The following TEX11 variants were observed in gnomAD, a reference collection of about 807,000 sequenced individuals.
The protein encoded by TEX11 is testis expressed 11.
A neutral mutation model predicts 84.4 loss-of-function variants in TEX11; 7 were observed. The ratio of observed to expected loss-of-function variants is 0.08; its 90% CI spans 0.05 to 0.16. The LOEUF is 0.16. Ranked by LOEUF, TEX11 falls within the 10% of genes least tolerant of loss-of-function variation. TEX11 has a pLI of 1.00. For synonymous variants in TEX11, 264 were observed against 222.8 expected (o/e 1.18, Z -1.64); for missense variants, 551 against 660.5 (o/e 0.83, Z 1.82).
intron 8 of TEX11, among the ~76,000 whole-genome samples, chrX:70,814,264 A>G (rs958913818): frequency 1.8e-5 from 2 of 111,921 alleles, no homozygotes; most frequent in Admixed American, 9.5e-5. Context: ...ATACAGACCA[A>G]TGGAACAGAA....
chrX:70,643,328 G>C (rs1603184961), intron 17 of TEX11, among the ~76,000 whole-genome samples: 1 of 100,028 alleles, frequency 1.0e-5, no homozygotes, highest in African/African-American at 3.7e-5. Flanking sequence ...TCAATATCGT[G>C]AAAATGGCCA....
chrX:70,879,525 A>G (rs2091672257), intron 3 of TEX11, among the ~76,000 whole-genome samples: 1 of 110,783 alleles, frequency 9.0e-6, no homozygotes, highest in East Asian at 2.8e-4. Flanking sequence ...TTTAAACATT[A>G]GAAAATTACC....
chrX:70,512,322 G>A, the TEX11 span, among the ~76,000 whole-genome samples: 2 of 108,037 alleles, frequency 1.9e-5, no homozygotes, highest in Non-Finnish European at 3.8e-5. Flanking sequence ...GAGTTCAAGC[G>A]ATTCTGATGC....
chrX:70,834,250 G>C (rs188489235), intron 7 of TEX11, among the ~76,000 whole-genome samples: 310 of 110,571 alleles, frequency 2.8e-3, no homozygotes, highest in Middle Eastern at 0.014. Flanking sequence ...TCATCATGAA[G>C]CCAAAAGAGC....
intron 15 of TEX11, among the ~76,000 whole-genome samples, chrX:70,671,548 G>C (rs911522479): frequency 9.1e-6 from 1 of 110,349 alleles, no homozygotes; most frequent in Non-Finnish European, 1.9e-5. Context: ...TGGAAAATGA[G>C]AGGAAAGAAA....
At chrX:70,686,696 T>TAAAA (rs11330282) in intron 13 of TEX11, among the ~76,000 whole-genome samples, 1 of 92,953 alleles carries the variant, frequency 1.1e-5, no homozygotes, top group Non-Finnish European at 2.1e-5. Flanking sequence ...GAACTTAAAG[T>TAAAA]AAAAAAAAAA....
intron 25 of TEX11, among the ~76,000 whole-genome samples, chrX:70,575,471 A>T (rs757128804): frequency 2.3e-4 from 26 of 111,502 alleles, no homozygotes; most frequent in African/African-American, 8.5e-4. Flanking sequence ...CTTAAAAAAG[A>T]GGCTTCCACA....
chrX:70,694,401 CAG>C (rs2090263033), intron 13 of TEX11, among the ~76,000 whole-genome samples: 1 of 111,584 alleles, frequency 9.0e-6, no homozygotes, highest in Non-Finnish European at 1.9e-5. Flanking sequence ...ACAAACAAAA[CAG>C]GGCAAAAGAT....
intron 9 of TEX11, among the ~76,000 whole-genome samples, chrX:70,766,688 G>C (rs765914828): frequency 6.3e-5 from 7 of 110,947 alleles, no homozygotes; most frequent in Non-Finnish European, 1.1e-4. Context: ...TAAGCGAAAA[G>C]AACAAATCTG....
chrX:70,589,921 T>G (rs2088906003), intron 25 of TEX11, among the ~76,000 whole-genome samples: 2 of 112,476 alleles, frequency 1.8e-5, no homozygotes, highest in African/African-American at 6.5e-5. Flanking sequence ...AGCCTAGGTA[T>G]ACTGTAGTTT....
At chrX:70,772,119 C>G (rs1158410818) in intron 9 of TEX11, among the ~76,000 whole-genome samples, 3 of 111,952 alleles carry the variant, frequency 2.7e-5, no homozygotes, top group African/African-American at 9.7e-5. Flanking sequence ...CCTGAGAACT[C>G]CAGCAGAAAA....
Position 70,797,255 on chromosome X carries a change from A to G in TEX11, c.692+9450T>C, listed in dbSNP as rs147261355. On this transcript the variant is annotated intron_variant, in intron 9 of 29. Transcript: ENST00000374333. ...AGAATGCATAAGGTAAATGTGGTAC[A>G]TATACACCATGAAATACTATGTAGC... is the stretch of plus-strand genomic sequence containing the variant. Among the ~76,000 whole-genome samples the G allele has an allele frequency of 7.9e-4, 89 of 112,194 alleles. No individual in the cohort carries two copies. The East Asian group carries it at 0.021, about 27-fold the overall frequency.
chrX:70,880,069 G>C lies in TEX11; in HGVS notation c.78C>G (p.Asn26Lys). Residue 26 changes from asparagine to lysine, a missense_variant, in exon 3 of 30, where the codon AAC (asparagine) becomes AAG (lysine). Transcript: ENST00000374333. Reference protein sequence around the residue: ...ENLVTNDNSPNIPEAIDRLFS... With the variant: ...ENLVTNDNSPKIPEAIDRLFS... ...AGAGTCTATCAATTGCCTCTGGTATGTTAGGTGAATTATCATTTGTAACCA... is the reference window on the plus strand; with the variant it reads ...AGAGTCTATCAATTGCCTCTGGTATCTTAGGTGAATTATCATTTGTAACCA... 1 of 1,182,488 alleles carries C rather than the reference G, an allele frequency of 8.5e-7. No individual in the cohort carries two copies. Among genetic ancestry groups the C allele is most frequent in the Non-Finnish European group, 1.1e-6 (1 of 874,555 alleles).
intron 3 of TEX11, among the ~76,000 whole-genome samples, chrX:70,877,633 GTCCATCAACAAATGAATGGA>G (rs2091662543): frequency 1.8e-5 from 2 of 111,986 alleles, no homozygotes; most frequent in African/African-American, 3.2e-5. Context: ...CAACCCAAGT[GTCCATCAACAAATGAATGGA>G]TAAACAAAAT....
chrX:70,609,014 G>A (rs1474028625), intron 22 of TEX11, 77 bp downstream of exon 22: 17 of 817,241 alleles, frequency 2.1e-5, no homozygotes, highest in South Asian at 5.7e-5. Flanking sequence ...ACAAATGAAA[G>A]ATCCAGAATT....
rs1296512075 is a variant in TEX11 at position 70,651,564 on chromosome X, A to G, written c.1381-12T>C. 3.5e-6 allele frequency: 4 copies of G among 1,157,496 alleles called. No individual in the cohort carries two copies. Among genetic ancestry groups the G allele is most frequent in the Non-Finnish European group, 4.7e-6 (4 of 851,258 alleles). ...ACTGCCTCTTTGGCCTGGAAAGAAA[A>G]ACACTGGGTCATTTTAATAAAATCT... On this transcript the variant is annotated splice_polypyrimidine_tract_variant and intron_variant, in intron 16 of 29. Transcript: ENST00000374333.
intron 9 of TEX11, among the ~76,000 whole-genome samples, chrX:70,801,148 C>T (rs2091185082): frequency 9.0e-6 from 1 of 110,907 alleles, no homozygotes; most frequent in Middle Eastern, 4.6e-3. Flanking sequence ...TTTGGGATGC[C>T]CTTCAAAGTC....
intron 24 of TEX11, among the ~76,000 whole-genome samples, chrX:70,602,281 A>G (rs2089131062): frequency 9.0e-6 from 1 of 111,303 alleles, no homozygotes; most frequent in East Asian, 2.8e-4. Context: ...TCCTTGATGA[A>G]CATTGATGCA....
chrX:70,644,538 A>C (rs1471438181), intron 17 of TEX11, among the ~76,000 whole-genome samples: 3 of 108,325 alleles, frequency 2.8e-5, no homozygotes, highest in African/African-American at 1.0e-4. Flanking sequence ...TCCAACAATG[A>C]TAGATTGGAT....
Sources: gnomAD v4.1 joint callset for allele counts (sites outside exome capture counted in the v4.1 genomes callset) on GRCh38, gnomAD v4.1.1 for gene constraint, MANE v1.5 for transcripts, NCBI Gene and HGNC (gene_info 2026-07-23, HGNC 2026-07-21) for gene names.